Variants in KIF16B observed in about 807,000 individuals in gnomAD.
KIF16B encodes kinesin family member 16B.
A neutral mutation model predicts 156.3 loss-of-function variants in KIF16B; 98 were observed. The observed-to-expected ratio is 0.63, with a 90% confidence interval of 0.53 to 0.74. The LOEUF (loss-of-function observed/expected upper bound fraction) is 0.74. Ranked by LOEUF, KIF16B falls within the 30% of genes least tolerant of loss-of-function variation. KIF16B has a pLI of 0.00. For synonymous variants in KIF16B, 564 were observed against 583.7 expected (o/e 0.97, Z 0.49); for missense variants, 1,421 against 1,606.5 (o/e 0.88, Z 1.97).
intron 17 of KIF16B, among the ~76,000 whole-genome samples, chr20:16,404,546 G>A (rs2065733229): frequency 6.6e-6 from 1 of 152,168 alleles, no homozygotes; most frequent in South Asian, 2.1e-4. Flanking sequence ...AAATGATAAT[G>A]AAGCTTGTAA....
intron 22 of KIF16B, chr20:16,367,952 C>G: frequency 6.9e-7 from 1 of 1,443,048 alleles, no homozygotes; most frequent in Non-Finnish European, 9.1e-7. Context: ...AGAGGTAGAG[C>G]ATGAAAAATG....
chr20:16,494,144 C>T, intron 12 of KIF16B, 147 bp downstream of exon 12: 2 of 606,858 alleles, frequency 3.3e-6, no homozygotes, highest in Non-Finnish European at 5.8e-6. Context: ...AACCAGAACT[C>T]CCATCCCATG....
At chr20:16,428,371 C>T (rs2066413809) in intron 14 of KIF16B, among the ~76,000 whole-genome samples, 1 of 151,910 alleles carries the variant, frequency 6.6e-6, no homozygotes. Flanking sequence ...ATATACACAC[C>T]CACCACCACC....
At chr20:16,306,410 A>C (rs2063541339) in intron 25 of KIF16B, among the ~76,000 whole-genome samples, 1 of 152,172 alleles carries the variant, frequency 6.6e-6, no homozygotes, top group Non-Finnish European at 1.5e-5. Context: ...GAAGATAATG[A>C]TCCTATGCCT....
At chr20:16,487,427 G>A (rs2068153488) in intron 12 of KIF16B, among the ~76,000 whole-genome samples, 1 of 152,104 alleles carries the variant, frequency 6.6e-6, no homozygotes, top group African/African-American at 2.4e-5. Flanking sequence ...AGCCTGCTGA[G>A]CAACAGCCCC....
chr20:16,311,815 G>A (rs2063623386), intron 25 of KIF16B, among the ~76,000 whole-genome samples: 1 of 152,212 alleles, frequency 6.6e-6, no homozygotes, highest in African/African-American at 2.4e-5. Flanking sequence ...CAGTGAGGCA[G>A]TCAGAAAAAC....
rs557535252 is a variant in KIF16B at position 16,465,258 on chromosome 20, A to G, written c.1302+29033T>C. 1.3e-3 allele frequency among the ~76,000 whole-genome samples: 203 copies of G among 152,324 alleles called. 1 individual carries two copies. The highest frequency in any genetic ancestry group is 2.4e-3 in the Non-Finnish European group (165 of 68,026). ...CAAGATAAAAACAAACCAATTCCAC[A>G]GTGAGTACAGGGGGCTGCACTGGTA... On this transcript the variant is annotated intron_variant, in intron 12 of 25. Transcript: ENST00000354981.
intron 12 of KIF16B, among the ~76,000 whole-genome samples, chr20:16,487,376 G>C (rs2068151594): frequency 6.6e-6 from 1 of 152,152 alleles, no homozygotes; most frequent in Non-Finnish European, 1.5e-5. Flanking sequence ...GGAATCCAGA[G>C]GACCGCAGGA....
intron 15 of KIF16B, 38 bp downstream of exon 15, chr20:16,427,066 A>G (rs1403989036): frequency 6.6e-7 from 1 of 1,522,200 alleles, no homozygotes; most frequent in Non-Finnish European, 8.8e-7. Context: ...TTTCTCAAAC[A>G]ATATATACAA....
intron 1 of KIF16B, among the ~76,000 whole-genome samples, chr20:16,564,088 C>T (rs962170699): frequency 3.3e-5 from 5 of 152,122 alleles, no homozygotes; most frequent in African/African-American, 7.2e-5. Flanking sequence ...AAAAATCTGT[C>T]TTCTGCTGAG....
chr20:16,404,728 AT>A (rs1001018624), intron 17 of KIF16B, 84 bp downstream of exon 17: 1 of 1,085,374 alleles, frequency 9.2e-7, no homozygotes, highest in Non-Finnish European at 1.4e-6. Flanking sequence ...CAGAAGTTTT[AT>A]TTTTACCTTG....
intron 17 of KIF16B, among the ~76,000 whole-genome samples, chr20:16,389,581 G>A (rs768958217): frequency 1.3e-5 from 2 of 152,158 alleles, no homozygotes; most frequent in Non-Finnish European, 2.9e-5. Flanking sequence ...CATCCCCTAG[G>A]AAACTTCAGC....
chr20:16,555,271 A>G (rs2070806233), intron 1 of KIF16B, among the ~76,000 whole-genome samples: 1 of 152,238 alleles, frequency 6.6e-6, no homozygotes, highest in Non-Finnish European at 1.5e-5. Context: ...CCCTATGAAT[A>G]AGGAACATAT....
intron 15 of KIF16B, among the ~76,000 whole-genome samples, chr20:16,424,769 GA>G (rs1466305211): frequency 6.6e-6 from 1 of 152,064 alleles, no homozygotes; most frequent in African/African-American, 2.4e-5. Context: ...GTCTGAGCAA[GA>G]AGAGGAGGGT....
At chr20:16,298,705 A>C (rs1428857329) in intron 25 of KIF16B, among the ~76,000 whole-genome samples, 1 of 152,154 alleles carries the variant, frequency 6.6e-6, no homozygotes, top group Non-Finnish European at 1.5e-5. Context: ...TGTACAATGC[A>C]ATTAGAAGTA....
chr20:16,281,642 G>A (rs2063147910), intron 25 of KIF16B, among the ~76,000 whole-genome samples: 1 of 152,098 alleles, frequency 6.6e-6, no homozygotes, highest in African/African-American at 2.4e-5. Context: ...GCTCCCAAAT[G>A]TGCTCCACAC....
chr20:16,544,607 CAAAAAAAAAAAAA>C (rs11472848), intron 1 of KIF16B, among the ~76,000 whole-genome samples: 1 of 64,646 alleles, frequency 1.5e-5, no homozygotes, highest in South Asian at 9.1e-4. Context: ...AAAGCCATCT[CAAAAAAAAAAAAA>C]AAAAAAAAAA....
chr20:16,280,919 C>T (rs2063138433), intron 25 of KIF16B, among the ~76,000 whole-genome samples: 2 of 151,560 alleles, frequency 1.3e-5, no homozygotes, highest in Non-Finnish European at 2.9e-5. Context: ...CTTTGAAAGA[C>T]CTAAGCCTCC....
intron 15 of KIF16B, among the ~76,000 whole-genome samples, chr20:16,407,646 T>G (rs536281381): frequency 6.6e-6 from 1 of 152,104 alleles, no homozygotes; most frequent in East Asian, 1.9e-4. Context: ...GAGGAGAGAA[T>G]CATGTCCATC....
Sources: allele counts gnomAD v4.1 joint callset (sites outside exome capture counted in the v4.1 genomes callset), GRCh38; gene constraint gnomAD v4.1.1; transcripts MANE v1.5; gene names NCBI Gene and HGNC (gene_info 2026-07-23, HGNC 2026-07-21).